The following DST variants were observed in gnomAD, a reference collection of about 807,000 sequenced individuals.
DST encodes dystonin, also known as bullous pemphigoid antigen.
A neutral mutation model predicts 875.2 loss-of-function variants in DST; 253 were observed. The observed-to-expected ratio is 0.29, with a 90% CI of 0.26 to 0.32. The LOEUF is 0.32. Ranked by LOEUF, DST falls within the 10% of genes least tolerant of loss-of-function variation. The pLI is 1.00. For missense variants in DST, 8,287 were observed against 9,111.6 expected (o/e 0.91, Z 3.68); for synonymous variants, 3,124 against 3,197.1 (o/e 0.98, Z 0.77).
chr6:56,593,492 G>A (rs903587874), intron 48 of DST, among the ~76,000 whole-genome samples, 171 bp downstream of exon 48: 2 of 133,940 alleles, frequency 1.5e-5, no homozygotes, highest in East Asian at 4.5e-4. Flanking sequence ...ACTCCAGCCT[G>A]GGCGACAGAG....
chr6:56,659,544 C>T (rs927793054), intron 10 of DST, among the ~76,000 whole-genome samples: 1 of 152,114 alleles, frequency 6.6e-6, no homozygotes, highest in African/African-American at 2.4e-5. Context: ...CTGGATTTAG[C>T]TATACAGAAG....
chr6:56,905,900 C>T (rs894890968), intron 2 of DST, among the ~76,000 whole-genome samples: 11 of 152,268 alleles, frequency 7.2e-5, no homozygotes, highest in African/African-American at 1.7e-4. Flanking sequence ...CCACCCATCT[C>T]GGCCTTCCAA....
rs1487886693 is a variant in DST, at chr6:56,557,410, T to G, written c.14549A>C (p.Gln4850Pro). 1 of 1,613,792 alleles carries G rather than the reference T, an allele frequency of 6.2e-7. No individual in the cohort carries two copies. Among genetic ancestry groups the G allele is most frequent in the Non-Finnish European group, 8.5e-7 (1 of 1,179,716 alleles). Residue 4850 changes from glutamine to proline, a missense_variant, in exon 59 of 104, where the codon CAG becomes CCG. Physicochemically the swap from Gln to Pro is moderately conservative, Grantham distance 76. Transcript: ENST00000680361. ...CATAAGTTCTTTTTCCACAAGCCACTGTTTCAATTGGGCCTCTACAGTCTG... is the reference window on the plus strand; with the variant it reads ...CATAAGTTCTTTTTCCACAAGCCACGGTTTCAATTGGGCCTCTACAGTCTG... ...QFQTVEAQLKQWLVEKELMVS... is the reference protein window; with the variant it reads ...QFQTVEAQLKPWLVEKELMVS...
chr6:56,664,882 C>A (rs1405214353), intron 10 of DST, among the ~76,000 whole-genome samples: 1 of 152,212 alleles, frequency 6.6e-6, no homozygotes, highest in South Asian at 2.1e-4. Context: ...CTGAACATAA[C>A]ACACAGAAAT....
chr6:56,568,334 T>C (rs771010745), intron 55 of DST, 135 bp downstream of exon 55: 2 of 883,476 alleles, frequency 2.3e-6, no homozygotes, highest in African/African-American at 1.7e-5. Flanking sequence ...TGCTTACAGA[T>C]GCCATGTTTC....
intron 4 of DST, among the ~76,000 whole-genome samples, chr6:56,737,391 T>G (rs2099529320): frequency 6.6e-6 from 1 of 151,984 alleles, no homozygotes; most frequent in African/African-American, 2.4e-5. Flanking sequence ...GTAATTTAAT[T>G]TAAACTTTCT....
rs777768790 is a variant in DST, at chr6:56,619,580, C to A, written c.4929+4950G>T. On this transcript the variant is annotated intron_variant, in intron 36 of 103. Coordinates refer to ENST00000680361, the MANE Select transcript of DST (RefSeq NM_001374736.1). ...TGCCCTTGTGATTCTGTCTACTTCTCTTTGTAGTTTCCCTTTTTCATGATT... is the reference window on the plus strand; with the variant it reads ...TGCCCTTGTGATTCTGTCTACTTCTATTTGTAGTTTCCCTTTTTCATGATT... 3.9e-5 allele frequency: 63 copies of A among 1,613,864 alleles called. No individual in the cohort carries two copies. The highest frequency in any genetic ancestry group is 4.9e-5 in the Non-Finnish European group (58 of 1,180,026).
At chr6:56,941,924 A>G (rs1816817479) in intron 2 of DST, among the ~76,000 whole-genome samples, 1 of 152,184 alleles carries the variant, frequency 6.6e-6, no homozygotes, top group South Asian at 2.1e-4. Flanking sequence ...TCTGTTGATC[A>G]CCAACTATGA....
At chr6:56,941,430 A>G (rs1326365145) in intron 2 of DST, among the ~76,000 whole-genome samples, 2 of 152,080 alleles carry the variant, frequency 1.3e-5, no homozygotes. Context: ...TCTGACCCAG[A>G]ATATAGTCTG....
Position 56,851,105 on chromosome 6 carries a change from T to C in DST, c.625+292A>G, listed in dbSNP as rs1170286833. ...ACTTTCAGAATGTTATGGTAACTAA[T>C]GCAGTAATTAGGAAAGTTTAGTGCA... On this transcript the variant is annotated intron_variant, in intron 4 of 103. Transcript: ENST00000680361. 3 of 435,462 alleles carry C rather than the reference T, an allele frequency of 6.9e-6. No individual in the cohort carries two copies. In the South Asian group the frequency reaches 1.3e-4, roughly 19 times the overall value. The allele number at this position is 435,462 out of a possible 1,614,324, so 27.0% of individuals were successfully genotyped here. A position where few individuals can be genotyped will look rare whatever the true frequency, so the allele number is the denominator to read the frequency against.
chr6:56,851,068 A>C, intron 4 of DST: 1 of 300,060 alleles, frequency 3.3e-6, no homozygotes, highest in Non-Finnish European at 6.2e-6. Context: ...ACTAGCAATC[A>C]CTGGAGCTAA....
chr6:56,793,068 C>CAAAAAAAAAAAAAAAA (rs61457774), intron 4 of DST, among the ~76,000 whole-genome samples: 1 of 42,316 alleles, frequency 2.4e-5, no homozygotes, highest in East Asian at 1.2e-3. Context: ...GACCCTGTCT[C>CAAAAAAAAAAAAAAAA]AAAAAAAAAA....
At chr6:56,762,401 A>G (rs772083853) in intron 4 of DST, among the ~76,000 whole-genome samples, 5 of 152,210 alleles carry the variant, frequency 3.3e-5, no homozygotes, top group Non-Finnish European at 5.9e-5. Flanking sequence ...CCCAGGCCCA[A>G]CAAAAATTTA....
At chr6:56,731,108 C>G (rs1289481786) in intron 5 of DST, among the ~76,000 whole-genome samples, 1 of 152,142 alleles carries the variant, frequency 6.6e-6, no homozygotes, top group Non-Finnish European at 1.5e-5. Flanking sequence ...TGCAGGGCAC[C>G]AGGATGCCAG....
intron 4 of DST, among the ~76,000 whole-genome samples, chr6:56,809,539 C>T (rs944804284): frequency 7.9e-5 from 12 of 152,178 alleles, no homozygotes; most frequent in Non-Finnish European, 1.5e-4. Flanking sequence ...GAAATTAGAG[C>T]CTGCAATATA....
intron 4 of DST, among the ~76,000 whole-genome samples, chr6:56,801,397 C>A (rs2153022101): frequency 6.6e-6 from 1 of 152,152 alleles, no homozygotes; most frequent in East Asian, 1.9e-4. Context: ...ATACCGCTAT[C>A]TGAGAATATC....
At position 56,631,976 on chromosome 6, in the gene DST, T is replaced by C. The variant is rs759491450; in HGVS notation, c.3870A>G (p.Leu1290=). The stretch of plus-strand genomic sequence containing the variant: ...TAATCAGCCGATCTTCACAGTTCTC[T>C]AACCGAAGTCTAATGTTTCGAACTT... ...ISEVRNIRLR[L]ENCEDRLIRQ... is the part of the protein sequence containing the mutation. The change falls in exon 29 of 104, where the codon TTA becomes TTG. Residue 1290 remains leucine (L), a synonymous_variant. Transcript: ENST00000680361. The C allele has an allele frequency of 1.2e-5, 19 of 1,613,530 alleles. No homozygotes were observed. The highest frequency in any genetic ancestry group is 1.6e-5 in the Non-Finnish European group (19 of 1,179,534).
intron 4 of DST, among the ~76,000 whole-genome samples, chr6:56,775,397 T>A (rs1236387807): frequency 2.0e-5 from 3 of 152,190 alleles, no homozygotes; most frequent in African/African-American, 7.2e-5. Context: ...CCATCCTAAT[T>A]ACATAGACAA....
intron 54 of DST, among the ~76,000 whole-genome samples, chr6:56,569,146 C>T (rs1169452204): frequency 6.6e-6 from 1 of 151,686 alleles, no homozygotes; most frequent in Non-Finnish European, 1.5e-5. Flanking sequence ...CATGATGAAA[C>T]CCTGTCTCTA....
Sources: gnomAD v4.1 joint callset for allele counts (sites outside exome capture counted in the v4.1 genomes callset) on GRCh38, gnomAD v4.1.1 for gene constraint, MANE v1.5 for transcripts, NCBI Gene and HGNC (gene_info 2026-07-23, HGNC 2026-07-21) for gene names.